The following ARHGAP15 variants were observed in gnomAD, a reference collection of about 807,000 sequenced individuals.
The protein encoded by ARHGAP15 is Rho GTPase activating protein 15, also known as rho GTPase-activating protein 15.
ARHGAP15 carries 51 observed loss-of-function variants against 63.7 expected under a neutral mutation model. The observed-to-expected ratio is 0.80, with a 90% confidence interval of 0.64 to 1.01. The LOEUF is 1.01. Among genes scored for constraint, ARHGAP15 ranks in the 50% least tolerant of loss-of-function variants. The pLI is 0.00. For synonymous variants in ARHGAP15, 191 were observed against 193.8 expected, an observed-to-expected ratio of 0.99 and a Z score of 0.12; for missense variants, 560 against 564.6, an observed-to-expected ratio of 0.99 and a Z score of 0.08.
chr2:143,716,413 T>G (rs2105452256), intron 13 of ARHGAP15, among the ~76,000 whole-genome samples: 1 of 152,308 alleles, frequency 6.6e-6, no homozygotes, highest in Non-Finnish European at 1.5e-5. Flanking sequence ...ATACAAAAAT[T>G]TATTTCTACA....
intron 6 of ARHGAP15, among the ~76,000 whole-genome samples, chr2:143,282,404 C>T (rs1025549280): frequency 1.3e-5 from 2 of 152,018 alleles, no homozygotes; most frequent in Non-Finnish European, 2.9e-5. Context: ...GCTGGGGAGG[C>T]CTCACAATCA....
Position 143,487,481 on chromosome 2 carries a change from A to G in ARHGAP15, c.812A>G (p.Lys271Arg), listed in dbSNP as rs769681764. The G allele has an allele frequency of 5.6e-6, 9 of 1,612,590 alleles. No individual in the cohort carries two copies. In the Admixed American group the frequency reaches 1.2e-4, roughly 21 times the overall value. The stretch of plus-strand genomic sequence containing the variant: ...CCTTCCCTGAAAACTCTGCAAGAAA[A>G]AGGACTTATTAAAGGTACAGGTCAT... ...RRPSLKTLQE[K>R]GLIKDQIFGS... Residue 271 changes from lysine to arginine, a missense_variant, in exon 9 of 14, where the codon AAA becomes AGA. By Grantham distance (26) the Lys-to-Arg change is conservative (BLOSUM62 2). Transcript: ENST00000295095.
At chr2:143,405,514 ATTAG>A (rs1404067592) in intron 6 of ARHGAP15, among the ~76,000 whole-genome samples, 1 of 151,874 alleles carries the variant, frequency 6.6e-6, no homozygotes, top group Non-Finnish European at 1.5e-5. Flanking sequence ...ATATAGATTT[ATTAG>A]TTATATTTTT....
At chr2:143,621,906 T>C (rs1307489748) in intron 11 of ARHGAP15, among the ~76,000 whole-genome samples, 1 of 152,292 alleles carries the variant, frequency 6.6e-6, no homozygotes, top group Non-Finnish European at 1.5e-5. Flanking sequence ...TTCTCTTTTT[T>C]ACCTGCTGAA....
At chr2:143,622,372 G>C (rs1268732056) in intron 11 of ARHGAP15, among the ~76,000 whole-genome samples, 1 of 151,962 alleles carries the variant, frequency 6.6e-6, no homozygotes. Context: ...CATAGTGAGA[G>C]GGACATTTCA....
At chr2:143,563,533 T>A (rs938254527) in intron 11 of ARHGAP15, among the ~76,000 whole-genome samples, 1 of 152,212 alleles carries the variant, frequency 6.6e-6, no homozygotes, top group Non-Finnish European at 1.5e-5. Context: ...AAAGAATAGC[T>A]TCATGTTCAT....
intron 2 of ARHGAP15, among the ~76,000 whole-genome samples, chr2:143,196,158 C>T (rs543358597): frequency 2.0e-4 from 31 of 151,942 alleles, no homozygotes; most frequent in Middle Eastern, 3.4e-3. Flanking sequence ...TTTTTCATTT[C>T]GCTTTGCACA....
At chr2:143,484,049 G>A (rs1256135906) in intron 8 of ARHGAP15, among the ~76,000 whole-genome samples, 2 of 151,896 alleles carry the variant, frequency 1.3e-5, no homozygotes, top group African/African-American at 2.4e-5. Flanking sequence ...CCAACCTGGT[G>A]AAATCCCACC....
chr2:143,556,314 T>C (rs1695795595), intron 10 of ARHGAP15, 94 bp from the exon 11 acceptor site: 2 of 939,850 alleles, frequency 2.1e-6, no homozygotes, highest in Non-Finnish European at 3.2e-6. Context: ...CTGAGAAGAA[T>C]AGATATTTGA....
intron 2 of ARHGAP15, among the ~76,000 whole-genome samples, chr2:143,190,107 A>G (rs1691621761): frequency 6.6e-6 from 1 of 152,236 alleles, no homozygotes; most frequent in African/African-American, 2.4e-5. Flanking sequence ...CACTTGAAAC[A>G]GTATATTGCA....
intron 6 of ARHGAP15, among the ~76,000 whole-genome samples, chr2:143,426,956 T>C (rs138943698): frequency 6.6e-6 from 1 of 152,338 alleles, no homozygotes; most frequent in Admixed American, 6.5e-5. Flanking sequence ...TTGAATTGTC[T>C]TGAGCCGGAA....
chr2:143,767,116 CTTTCCTTA>C (rs897644540), intron 13 of ARHGAP15, among the ~76,000 whole-genome samples: 7 of 152,152 alleles, frequency 4.6e-5, no homozygotes, highest in African/African-American at 1.4e-4. Context: ...TTTCCATATG[CTTTCCTTA>C]TTTCCTTATC....
chr2:143,339,352 C>A (rs1467379061), intron 6 of ARHGAP15, among the ~76,000 whole-genome samples: 2 of 151,990 alleles, frequency 1.3e-5, no homozygotes, highest in African/African-American at 4.8e-5. Flanking sequence ...ACACACTGAG[C>A]CAGATATTAT....
At chr2:143,384,266 A>G (rs1236594679) in intron 6 of ARHGAP15, among the ~76,000 whole-genome samples, 1 of 152,050 alleles carries the variant, frequency 6.6e-6, no homozygotes, top group Non-Finnish European at 1.5e-5. Context: ...CTGGCATGGA[A>G]CTGGAGTGTT....
chr2:143,515,202 C>A (rs1208677599), intron 9 of ARHGAP15, among the ~76,000 whole-genome samples: 1 of 147,572 alleles, frequency 6.8e-6, no homozygotes, highest in Non-Finnish European at 1.5e-5. Context: ...CCCACCCTCC[C>A]TTTTCTTTAC....
At position 143,320,989 on chromosome 2, in the gene ARHGAP15, G is replaced by A. The variant is rs191946680; in HGVS notation, c.474+70389G>A. On this transcript the variant is annotated intron_variant, in intron 6 of 13. Coordinates refer to ENST00000295095, the MANE Select transcript of ARHGAP15 (RefSeq NM_018460.4). The stretch of plus-strand genomic sequence containing the variant: ...TGCAGCCAGCACCAGGCTTTTGCCC[G>A]GGGCCTAACAGCCTCCACTTCCTAT... Among the ~76,000 whole-genome samples, 47 of 152,184 alleles carry A rather than the reference G, an allele frequency of 3.1e-4. 1 individual carries two copies. The highest frequency in any genetic ancestry group is 1.1e-3 in the African/African-American group (44 of 41,532).
chr2:143,455,766 A>T (rs945105287), intron 8 of ARHGAP15, among the ~76,000 whole-genome samples: 2 of 152,102 alleles, frequency 1.3e-5, no homozygotes, highest in African/African-American at 4.8e-5. Context: ...CCAAACTCTC[A>T]TCTATGGAGT....
In ARHGAP15 at chr2:143,441,012, G is replaced by T. The variant is rs982099540; in HGVS notation, c.703+3970G>T. On this transcript the variant is annotated intron_variant, in intron 8 of 13. Coordinates refer to ENST00000295095, the MANE Select transcript of ARHGAP15 (RefSeq NM_018460.4). The stretch of plus-strand genomic sequence containing the variant: ...TTACTTTCCACATCTATAAAAATGG[G>T]TCTAATACTGTCCTTAAAGGATCGT... Among the ~76,000 whole-genome samples the T allele has an allele frequency of 5.3e-5, 8 of 152,062 alleles. No individual in the cohort carries two copies. In the East Asian group the frequency reaches 1.3e-3, roughly 26 times the overall value.
At chr2:143,637,352 G>A (rs1172525055) in intron 12 of ARHGAP15, among the ~76,000 whole-genome samples, 1 of 151,970 alleles carries the variant, frequency 6.6e-6, no homozygotes, top group African/African-American at 2.4e-5. Context: ...TGAATTTAGA[G>A]TCCAAGTTCT....
Sources: allele counts gnomAD v4.1 joint callset (sites outside exome capture counted in the v4.1 genomes callset), GRCh38; gene constraint gnomAD v4.1.1; transcripts MANE v1.5; gene names NCBI Gene and HGNC (gene_info 2026-07-23, HGNC 2026-07-21).